Variants in KIAA1958 observed in about 807,000 individuals in gnomAD.
KIAA1958 encodes the protein KIAA1958, also known as uncharacterized protein KIAA1958.
In KIAA1958, 14 loss-of-function variants were observed where a neutral mutation model predicts 47.2. The observed-to-expected ratio is 0.30, with a 90% CI of 0.20 to 0.46. The LOEUF is 0.46. Ranked by LOEUF, KIAA1958 falls within the 20% of genes least tolerant of loss-of-function variation. KIAA1958 has a pLI of 1.00. For missense variants in KIAA1958, 803 were observed against 909.2 expected (o/e 0.88, Z 1.50); for synonymous variants, 354 against 353.3 (o/e 1.00, Z -0.02).
intron 1 of KIAA1958, among the ~76,000 whole-genome samples, chr9:112,554,164 G>A (rs1173280138): frequency 6.6e-6 from 1 of 152,082 alleles, no homozygotes; most frequent in African/African-American, 2.4e-5. Flanking sequence ...GTAAAAAACC[G>A]TGAATATAAA....
chr9:112,507,357 G>T (rs536586981), intron 1 of KIAA1958, among the ~76,000 whole-genome samples: 3 of 152,004 alleles, frequency 2.0e-5, no homozygotes, highest in African/African-American at 7.2e-5. Context: ...TTTTGTTTTT[G>T]TTTCTTTTTA....
At position 112,612,790 on chromosome 9, in the gene KIAA1958, A is replaced by C. The variant is rs1007813395; in HGVS notation, c.1172-32860A>C. ...ATTCTATAGATATACTTGCCCATGC[A>C]TGGGAAACGTTCTGTCTACAGGGAT... is the stretch of plus-strand genomic sequence containing the variant. On this transcript the variant is annotated intron_variant, in intron 2 of 3. Transcript: ENST00000337530. 3.3e-5 allele frequency among the ~76,000 whole-genome samples: 5 copies of C among 152,350 alleles called. No individual in the cohort carries two copies. The East Asian group carries it at 9.6e-4, about 29-fold the overall frequency.
At chr9:112,645,328 TTAGA>T (rs932694367) in intron 2 of KIAA1958, among the ~76,000 whole-genome samples, 1 of 152,198 alleles carries the variant, frequency 6.6e-6, no homozygotes, top group African/African-American at 2.4e-5. Context: ...AGTGAAAATT[TTAGA>T]TAGAACAGTC....
chr9:112,642,572 A>G (rs900811735), intron 2 of KIAA1958, among the ~76,000 whole-genome samples: 5 of 152,108 alleles, frequency 3.3e-5, no homozygotes, highest in Admixed American at 1.3e-4. Context: ...AGCCTAAACT[A>G]CCACTATCTC....
intron 1 of KIAA1958, among the ~76,000 whole-genome samples, chr9:112,530,649 A>G (rs1056699761): frequency 3.3e-5 from 5 of 152,312 alleles, no homozygotes; most frequent in Middle Eastern, 3.4e-3. Flanking sequence ...TATACTTTCA[A>G]TTTTTTAAAA....
intron 1 of KIAA1958, among the ~76,000 whole-genome samples, chr9:112,551,288 C>T (rs1835142459): frequency 6.6e-6 from 1 of 152,160 alleles, no homozygotes; most frequent in African/African-American, 2.4e-5. Context: ...GATCCACCAG[C>T]TCCAGGTAAC....
intron 2 of KIAA1958, 93 bp from the exon 3 acceptor site, chr9:112,645,557 T>C (rs1836961072): frequency 2.5e-6 from 2 of 807,374 alleles, no homozygotes; most frequent in Non-Finnish European, 3.9e-6. Context: ...GTGTTGTCTT[T>C]TAGAGTTTTC....
rs1367191177 is a variant in KIAA1958, at chr9:112,588,805, A to G, written c.1171+13554A>G. Among the ~76,000 whole-genome samples, 5 of 152,184 alleles carry G rather than the reference A, an allele frequency of 3.3e-5. No individual in the cohort carries two copies. The East Asian group carries it at 9.7e-4, about 29-fold the overall frequency. ...CAACCCTGAGGTTTTCCCTGCGTTG[A>G]TCCACTGTTCCCCTAACTTCATGTT... On this transcript the variant is annotated intron_variant, in intron 2 of 3. Coordinates refer to ENST00000337530, the MANE Select transcript of KIAA1958 (RefSeq NM_133465.4).
intron 1 of KIAA1958, among the ~76,000 whole-genome samples, chr9:112,561,056 ATTT>A (rs201349723): frequency 1.4e-5 from 2 of 141,080 alleles, no homozygotes; most frequent in Non-Finnish European, 1.5e-5. Context: ...TGTCTTTGCA[ATTT>A]TTTTTTTTTT....
At chr9:112,605,673 C>T (rs893616910) in intron 2 of KIAA1958, among the ~76,000 whole-genome samples, 8 of 152,180 alleles carry the variant, frequency 5.3e-5, no homozygotes, top group Non-Finnish European at 2.9e-5. Flanking sequence ...TCATACCATT[C>T]TTGCTCTTAG....
At chr9:112,616,094 A>T (rs572612912) in intron 2 of KIAA1958, among the ~76,000 whole-genome samples, 4 of 152,368 alleles carry the variant, frequency 2.6e-5, no homozygotes, top group Admixed American at 2.6e-4. Flanking sequence ...GGAAGCCAGC[A>T]TGTCAAATGG....
rs12339667 is a variant in KIAA1958 at position 112,640,558 on chromosome 9, C to G, written c.1172-5092C>G. Among the ~76,000 whole-genome samples, 1,178 of 152,280 alleles carry G rather than the reference C, an allele frequency of 7.7e-3. 12 individuals carry two copies. Among genetic ancestry groups the G allele is most frequent in the African/African-American group, 0.023 (941 of 41,552 alleles). ...CTTGGTAGCCCTGCACTTGAATGTT[C>G]ATGTACCTGTTCCACTGAGATTGCT... On this transcript the variant is annotated intron_variant, in intron 2 of 3. Coordinates refer to ENST00000337530, the MANE Select transcript of KIAA1958 (RefSeq NM_133465.4).
At chr9:112,597,411 A>C (rs918748392) in intron 2 of KIAA1958, among the ~76,000 whole-genome samples, 1 of 152,234 alleles carries the variant, frequency 6.6e-6, no homozygotes, top group African/African-American at 2.4e-5. Flanking sequence ...CACAGTAAGA[A>C]GCACGGAAAG....
intron 1 of KIAA1958, among the ~76,000 whole-genome samples, chr9:112,527,686 C>T (rs1238017499): frequency 6.6e-6 from 1 of 152,016 alleles, no homozygotes. Context: ...CCTGTAATCC[C>T]AGCACTTTGG....
intron 1 of KIAA1958, among the ~76,000 whole-genome samples, chr9:112,548,571 A>G (rs533390349): frequency 1.3e-5 from 2 of 152,266 alleles, no homozygotes; most frequent in South Asian, 2.1e-4. Context: ...AAATCAGGCT[A>G]TATTGTTGTT....
intron 1 of KIAA1958, among the ~76,000 whole-genome samples, chr9:112,512,336 C>T (rs1295827411): frequency 1.3e-5 from 2 of 151,866 alleles, no homozygotes; most frequent in Non-Finnish European, 2.9e-5. Flanking sequence ...GGAATGCAAG[C>T]TTAACATTCA....
At chr9:112,558,748 T>G (rs1835283213) in intron 1 of KIAA1958, among the ~76,000 whole-genome samples, 1 of 151,858 alleles carries the variant, frequency 6.6e-6, no homozygotes, top group Non-Finnish European at 1.5e-5. Flanking sequence ...AAAATAAGAG[T>G]CAGAATGGAG....
intron 1 of KIAA1958, among the ~76,000 whole-genome samples, chr9:112,524,419 T>A (rs1244942435): frequency 6.6e-6 from 1 of 152,254 alleles, no homozygotes; most frequent in Non-Finnish European, 1.5e-5. Context: ...TCGGAAAATA[T>A]GGAGCGACTG....
chr9:112,552,221 A>G (rs1001447848), intron 1 of KIAA1958, among the ~76,000 whole-genome samples: 5 of 152,240 alleles, frequency 3.3e-5, no homozygotes, highest in Non-Finnish European at 7.3e-5. Flanking sequence ...GTTCACTTAC[A>G]TGTCCAGGGC....
Sources: gnomAD v4.1 joint callset for allele counts (sites outside exome capture counted in the v4.1 genomes callset) on GRCh38, gnomAD v4.1.1 for gene constraint, MANE v1.5 for transcripts, NCBI Gene and HGNC (gene_info 2026-07-23, HGNC 2026-07-21) for gene names.